BEST2: variants seen among roughly 807,000 people sequenced by gnomAD.
The protein encoded by BEST2 is bestrophin 2, also known as bestrophin-2a.
A neutral mutation model predicts 49.0 loss-of-function variants in BEST2; 36 were observed. The observed-to-expected ratio is 0.73, with a 90% confidence interval of 0.56 to 0.97. BEST2 has a LOEUF of 0.97. Ranked by LOEUF, BEST2 falls within the 50% of genes least tolerant of loss-of-function variation. The pLI, the probability that BEST2 is intolerant of heterozygous loss-of-function variation, is 0.00. For synonymous variants in BEST2, 335 were observed against 304.4 expected, an observed-to-expected ratio of 1.10 and a Z score of -1.05; for missense variants, 672 against 710.0, an observed-to-expected ratio of 0.95 and a Z score of 0.61.
In BEST2 at chr19:12,752,683, C is replaced by T; in HGVS notation, c.91C>T (p.Leu31Phe). The change falls in exon 2 of 10, where the codon CTC (leucine) becomes TTC (phenylalanine). Residue 31 changes from leucine (L) to phenylalanine (F), a missense_variant. Physicochemically the swap from Leu to Phe is conservative, Grantham distance 22. Transcript: ENST00000553030. ...LLLWRGSIYK[L>F]LWRELLCFLG... ...ACTGTGGCGTGGGAGCATCTACAAA[C>T]TCCTGTGGCGAGAGCTGCTCTGCTT... 6.2e-7 allele frequency: 1 copy of T among 1,607,392 alleles called. No individual in the cohort carries two copies. The highest frequency in any genetic ancestry group is 1.1e-5 in the South Asian group (1 of 90,586).
chr19:12,757,421 T>G (rs192592323), intron 9 of BEST2, among the ~76,000 whole-genome samples: 328 of 152,070 alleles, frequency 2.2e-3, no homozygotes, highest in African/African-American at 7.7e-3. Flanking sequence ...CAAAATAAAA[T>G]AAAATAAAAT....
rs921962516 is a variant in BEST2 at position 12,755,370 on chromosome 19, C to T, written c.637-9C>T. 2 of 1,613,988 alleles carry T rather than the reference C, an allele frequency of 1.2e-6. No homozygotes were observed. The highest frequency in any genetic ancestry group is 1.7e-5 in the Admixed American group (1 of 60,012). Reference sequence around the variant, plus strand: ...TTCAGGCCTCCTCATGACCTGTATCCACCCCCAGGAGCTGAATGTTTTTCG... The same window carrying T: ...TTCAGGCCTCCTCATGACCTGTATCTACCCCCAGGAGCTGAATGTTTTTCG... On this transcript the variant is annotated splice_polypyrimidine_tract_variant and intron_variant, in intron 5 of 9. Transcript: ENST00000553030. This position sits in a 1 kb window ranked among gnomAD's most constrained non-coding sequence, Gnocchi z 4.4.
chr19:12,757,801 C>G lies in BEST2; in HGVS notation c.1254C>G (p.Leu418=). The G allele has an allele frequency of 6.5e-7, 1 of 1,548,646 alleles. No homozygotes were observed. The highest frequency in any genetic ancestry group is 8.7e-7 in the Non-Finnish European group (1 of 1,146,594). Residue 418 remains leucine, a synonymous_variant, in exon 10 of 10, where the codon CTC becomes CTG. Coordinates refer to ENST00000553030, the MANE Select transcript of BEST2 (RefSeq NM_017682.3). The part of the protein sequence containing the change: ...GPLGRRLSFL[L]RKNSCVSEAS... ...TGGGCCGGCGCCTGTCCTTTCTACTCCGCAAGAACAGCTGCGTGTCGGAGG... is the reference window on the plus strand; with the variant it reads ...TGGGCCGGCGCCTGTCCTTTCTACTGCGCAAGAACAGCTGCGTGTCGGAGG...
chr19:12,753,401 C>CA, intron 3 of BEST2, 47 bp downstream of exon 3: 1 of 1,560,334 alleles, frequency 6.4e-7, no homozygotes, highest in Non-Finnish European at 8.8e-7. Context: ...CTGAGAAACC[C>CA]ATATCCATTC....
At chr19:12,757,038 G>T (rs1218539745) in intron 9 of BEST2, among the ~76,000 whole-genome samples, 1 of 152,182 alleles carries the variant, frequency 6.6e-6, no homozygotes, top group Non-Finnish European at 1.5e-5. Flanking sequence ...AGCTAATCGG[G>T]AGGCTGAGGC....
chr19:12,755,908 C>A lies in BEST2; in HGVS notation c.921C>A (p.Thr307=). 6.2e-7 allele frequency: 1 copy of A among 1,614,114 alleles called. No individual in the cohort carries two copies. Among genetic ancestry groups the A allele is most frequent in the African/African-American group, 1.3e-5 (1 of 75,036 alleles). ...GAGAGGACGATGATGACTTTGAGAC[C>A]AACTTTCTGATCGATAGAAACTTCC... ...PFGEDDDDFE[T]NFLIDRNFQV... The change falls in exon 8 of 10, where the codon ACC becomes ACA. Residue 307 remains threonine (T), a synonymous_variant. Transcript: ENST00000553030. The surrounding 1 kb of genome is among the most constrained non-coding windows in gnomAD (Gnocchi z 4.4).
At position 12,754,739 on chromosome 19, in the gene BEST2, C is replaced by T. The variant is rs1283832225; in HGVS notation, c.435C>T (p.Thr145=). 4 of 1,592,364 alleles carry T rather than the reference C, an allele frequency of 2.5e-6. No homozygotes were observed. In the Admixed American group the frequency reaches 5.3e-5, roughly 21 times the overall value. The change falls in exon 4 of 10, where the codon ACC becomes ACT. Residue 145 remains threonine, a synonymous_variant. Transcript: ENST00000553030. ...TGCTCATCCTGCGCTCCGTCAGCAC[C>T]GCGGTGTTCAAGCGCTTCCCCACCA... The part of the protein sequence containing the change: ...SAVLILRSVS[T]AVFKRFPTID...
At chr19:12,752,803 A>T (rs1251266504) in intron 2 of BEST2, 59 bp downstream of exon 2, 2 of 1,109,432 alleles carry the variant, frequency 1.8e-6, no homozygotes, top group Non-Finnish European at 2.3e-6. Context: ...TTATATATAT[A>T]TAATATATAA....
chr19:12,752,445 A>C, intron 1 of BEST2, 97 bp from the exon 2 acceptor site: 1 of 787,886 alleles, frequency 1.3e-6, no homozygotes, highest in East Asian at 2.8e-5. Flanking sequence ...GGAGAAGGCA[A>C]CTCAGGCAAG....
At position 12,755,043 on chromosome 19, in the gene BEST2, C is replaced by T. The variant is rs1568352724; in HGVS notation, c.636+12C>T. ...AGCTGCTGCTCGAGGTGGGCCCAACCAGGAGGTCATTCATATAGAATACCA... is the reference window on the plus strand; with the variant it reads ...AGCTGCTGCTCGAGGTGGGCCCAACTAGGAGGTCATTCATATAGAATACCA... On this transcript the variant is annotated intron_variant, in intron 5 of 9. Coordinates refer to ENST00000553030, the MANE Select transcript of BEST2 (RefSeq NM_017682.3). This position sits in a 1 kb window ranked among gnomAD's most constrained non-coding sequence, Gnocchi z 4.4. 1.9e-5 allele frequency: 31 copies of T among 1,590,264 alleles called. No homozygotes were observed. Among genetic ancestry groups the T allele is most frequent in the Non-Finnish European group, 2.6e-5 (31 of 1,171,642 alleles).
At position 12,756,197 on chromosome 19, in the gene BEST2, C is replaced by T. The variant is rs771107531; in HGVS notation, c.1005C>T (p.Asp335=). Residue 335 remains aspartate, a synonymous_variant, in exon 9 of 10, where the codon GAC becomes GAT. Transcript: ENST00000553030. ...MYDDLAVLEK[D]LYWDAAEARA... is the part of the protein sequence containing the mutation. ...ATGACCTGGCTGTGCTGGAGAAGGA[C>T]TTGTACTGGGATGCAGCCGAGGCTC... 1.5e-5 allele frequency: 24 copies of T among 1,614,126 alleles called. No individual in the cohort carries two copies. Among genetic ancestry groups the T allele is most frequent in the Non-Finnish European group, 2.0e-5 (24 of 1,180,054 alleles).
chr19:12,754,062 CTTTTTTTTTTT>C lies in BEST2; in HGVS notation c.248-469_248-459del, dbSNP rs36076549. Among the ~76,000 whole-genome samples the C allele has an allele frequency of 1.5e-4, 8 of 54,454 alleles. No individual in the cohort carries two copies. The South Asian group carries it at 3.1e-3, about 21-fold the overall frequency. 35.7% of individuals were successfully genotyped at this position (54,454 alleles called of 152,430 possible). A position where few individuals can be genotyped will look rare whatever the true frequency, so the allele number is the denominator to read the frequency against. On this transcript the variant is annotated intron_variant, in intron 3 of 9. Transcript: ENST00000553030. ...CCAGTGACCCAAAGGGCTGCTCTGC[CTTTTTTTTTTT>C]TTTTTTTTTTTTTTTTTTTTGAGAT...
In BEST2 at chr19:12,758,270, C is replaced by A; in HGVS notation, c.*193C>A. On this transcript the variant is annotated 3_prime_UTR_variant, in exon 10 of 10. Transcript: ENST00000553030. ...TTCCAGACTCTTGGACCAGCCCGCC[C>A]TGACCACCAGCTCTACTTCCCAACC... The A allele has an allele frequency of 1.5e-6, 1 of 652,042 alleles. No homozygotes were observed. The allele number at this position is 652,042 out of a possible 1,614,324, so 40.4% of individuals were successfully genotyped here. A position where few individuals can be genotyped will look rare whatever the true frequency, so the allele number is the denominator to read the frequency against.
intron 9 of BEST2, chr19:12,756,677 G>A (rs567807783): frequency 1.4e-5 from 3 of 218,834 alleles, no homozygotes; most frequent in South Asian, 6.8e-5. Flanking sequence ...TGAGACCCCC[G>A]TCTCTACTAA....
chr19:12,756,536 G>A (rs1013832708), intron 9 of BEST2: 33 of 562,252 alleles, frequency 5.9e-5, no homozygotes, highest in Non-Finnish European at 6.3e-6. Context: ...CCGGTCAGTG[G>A]TGATTCCAAA....
At chr19:12,754,436 A>G in intron 3 of BEST2, 116 bp from the exon 4 acceptor site, 1 of 899,748 alleles carries the variant, frequency 1.1e-6, no homozygotes, top group Non-Finnish European at 1.6e-6. Context: ...CAGGTTGGCC[A>G]GCACGCTCGG....
In BEST2 at chr19:12,753,329, C is replaced by T; in HGVS notation, c.222C>T (p.Ser74=). 1 of 1,614,156 alleles carries T rather than the reference C, an allele frequency of 6.2e-7. No homozygotes were observed. Residue 74 remains serine (S), a synonymous_variant, in exon 3 of 10, where the codon AGC becomes AGT. Coordinates refer to ENST00000553030, the MANE Select transcript of BEST2 (RefSeq NM_017682.3). ...KLVIYCDQYA[S]LIPVSFVLGF... ...TGATTTATTGTGACCAGTATGCCAG[C>T]CTCATCCCTGTCTCCTTCGTGCTTG...
At position 12,754,727 on chromosome 19, in the gene BEST2, C is replaced by T. The variant is rs1341953469; in HGVS notation, c.423C>T (p.Arg141=). Residue 141 remains arginine (R), a synonymous_variant, in exon 4 of 10, where the codon CGC becomes CGT. Coordinates refer to ENST00000553030, the MANE Select transcript of BEST2 (RefSeq NM_017682.3). ...GGCTCTCGGCCGTGCTCATCCTGCG[C>T]TCCGTCAGCACCGCGGTGTTCAAGC... ...YAGLSAVLIL[R]SVSTAVFKRF... is the part of the protein sequence containing the mutation. 1.9e-6 allele frequency: 3 copies of T among 1,593,536 alleles called. No individual in the cohort carries two copies. The highest frequency in any genetic ancestry group is 1.7e-4 in the Middle Eastern group (1 of 6,018).
At chr19:12,752,862 A>G in intron 2 of BEST2, 118 bp downstream of exon 2, 2 of 806,216 alleles carry the variant, frequency 2.5e-6, no homozygotes, top group Non-Finnish European at 3.2e-6. Flanking sequence ...TATGTTTTTT[A>G]AACTGAGATG....
Sources: allele counts gnomAD v4.1 joint callset (sites outside exome capture counted in the v4.1 genomes callset), GRCh38; gene constraint gnomAD v4.1.1; non-coding constraint Gnocchi (gnomAD v3.1); transcripts MANE v1.5; gene names NCBI Gene and HGNC (gene_info 2026-07-23, HGNC 2026-07-21).